The following TET3 variants were observed in gnomAD, a reference collection of about 807,000 sequenced individuals.
The protein encoded by TET3 is methylcytosine dioxygenase TET3.
A neutral mutation model predicts 141.4 loss-of-function variants in TET3; 19 were observed. The observed-to-expected ratio is 0.13, with a 90% CI of 0.09 to 0.20. TET3 has a LOEUF of 0.20. Among genes scored for constraint, TET3 ranks in the 10% least tolerant of loss-of-function variants. The pLI is 1.00. For missense variants in TET3, 1,874 were observed against 2,356.9 expected (o/e 0.80, Z 4.24); for synonymous variants, 1,043 against 980.9 (o/e 1.06, Z -1.18).
At position 74,003,177 on chromosome 2, in the gene TET3, TGTGTGCGTGC is replaced by T. The variant is rs1292524935; in HGVS notation, c.360+17_360+26del. On this transcript the variant is annotated intron_variant, in intron 3 of 11. Coordinates refer to ENST00000409262, the MANE Select transcript of TET3 (RefSeq NM_001287491.2). ...GGAGCGGCTGTCAAGGTACCTTGTG[TGTGTGCGTGC>T]GTGTGTGTGCGTGTGTGTGGTGGCG... 1.4e-5 allele frequency: 21 copies of T among 1,547,036 alleles called. No individual in the cohort carries two copies. Among genetic ancestry groups the T allele is most frequent in the Non-Finnish European group, 1.7e-5 (19 of 1,145,618 alleles).
chr2:74,105,796 T>C lies in TET3; in HGVS notation c.*3620T>C, dbSNP rs1049544877. ...ATGAGTCGATGATAACCTAATTTCATTGAGAGAAACCCAGCCAGACTTGCT... is the reference window on the plus strand; with the variant it reads ...ATGAGTCGATGATAACCTAATTTCACTGAGAGAAACCCAGCCAGACTTGCT... On this transcript the variant is annotated 3_prime_UTR_variant, in exon 12 of 12. Coordinates refer to ENST00000409262, the MANE Select transcript of TET3 (RefSeq NM_001287491.2). 7 of 161,750 alleles carry C rather than the reference T, an allele frequency of 4.3e-5. No homozygotes were observed. Among genetic ancestry groups the C allele is most frequent in the South Asian group, 2.0e-4 (1 of 4,896 alleles). The allele number at this position is 161,750 out of a possible 1,614,324, so 10.0% of individuals were successfully genotyped here.
At chr2:74,118,375 TCAGA>T in the TET3 span, among the ~76,000 whole-genome samples, 1 of 152,212 alleles carries the variant, frequency 6.6e-6, no homozygotes, top group Non-Finnish European at 1.5e-5. Context: ...GCCCACCATT[TCAGA>T]CAGACGATTC....
intron 3 of TET3, among the ~76,000 whole-genome samples, chr2:74,018,045 G>A (rs1685829428): frequency 7.2e-6 from 1 of 139,856 alleles, no homozygotes; most frequent in South Asian, 2.2e-4. Context: ...TCGGCTCACT[G>A]CAACCTCCTC....
chr2:74,028,993 A>G (rs1686526772), intron 3 of TET3, among the ~76,000 whole-genome samples: 1 of 152,164 alleles, frequency 6.6e-6, no homozygotes, highest in Non-Finnish European at 1.5e-5. Flanking sequence ...CTTGCTGGGC[A>G]TGTCTTCAAC....
intron 2 of TET3, among the ~76,000 whole-genome samples, chr2:73,997,365 T>C (rs751783517): frequency 3.9e-5 from 6 of 152,186 alleles, no homozygotes; most frequent in Non-Finnish European, 5.9e-5. Flanking sequence ...TAAGGTAAGC[T>C]CTGTGTGCCC....
At chr2:73,993,863 G>C (rs1430504354) in intron 2 of TET3, 1 of 152,262 alleles carries the variant, frequency 6.6e-6, no homozygotes, top group Non-Finnish European at 1.5e-5. Context: ...GGTGGTGGTT[G>C]TGCAGAGGAA....
chr2:74,053,012 T>C (rs1688027004), intron 4 of TET3, among the ~76,000 whole-genome samples: 1 of 152,172 alleles, frequency 6.6e-6, no homozygotes, highest in Admixed American at 6.5e-5. Flanking sequence ...TTTCTGAAGG[T>C]CTGAATGGGA....
chr2:74,100,725 G>A lies in TET3; in HGVS notation c.3937G>A (p.Gly1313Ser), dbSNP rs1691147192. 1.2e-6 allele frequency: 2 copies of A among 1,613,930 alleles called. No individual in the cohort carries two copies. Among genetic ancestry groups the A allele is most frequent in the African/African-American group, 1.3e-5 (1 of 75,036 alleles). The stretch of plus-strand genomic sequence containing the variant: ...TGCCTGGGGGCACAGTGGCAGCAGT[G>A]GCAGTTTTGAGAAGAAGCCAGACCT... The part of the protein sequence containing the change: ...PGAWGHSGSS[G>S]SFEKKPDLHA... The change falls in exon 12 of 12, where the codon GGC becomes AGC. Residue 1313 changes from glycine (G) to serine (S), a missense_variant. By Grantham distance (56) the Gly-to-Ser change is moderately conservative (BLOSUM62 0). This residue lies in a region of TET3 where 602 missense variants were observed against 590.2 expected (regional missense o/e 1.02). Transcript: ENST00000409262.
intron 3 of TET3, among the ~76,000 whole-genome samples, chr2:74,043,105 T>C (rs1248396190): frequency 6.6e-6 from 1 of 152,208 alleles, no homozygotes; most frequent in African/African-American, 2.4e-5. Context: ...TGACACTGTT[T>C]TTGTAAATCT....
At chr2:74,016,302 C>CT (rs1454899804) in intron 3 of TET3, among the ~76,000 whole-genome samples, 10 of 148,622 alleles carry the variant, frequency 6.7e-5, no homozygotes, top group African/African-American at 2.5e-4. Flanking sequence ...GACCCTGTCT[C>CT]TTTAAAAAAA....
chr2:74,097,050 C>A lies in TET3; in HGVS notation c.3268-2226C>A, dbSNP rs148208044. On this transcript the variant is annotated intron_variant, in intron 10 of 11. Coordinates refer to ENST00000409262, the MANE Select transcript of TET3 (RefSeq NM_001287491.2). Reference sequence around the variant, plus strand: ...TGAGACTGCAGTGAGCCGTGTCACACCACTGCACTGCAGCCTGGGCAATAG... The same window carrying A: ...TGAGACTGCAGTGAGCCGTGTCACAACACTGCACTGCAGCCTGGGCAATAG... Among the ~76,000 whole-genome samples the A allele has an allele frequency of 8.7e-3, 1,310 of 151,300 alleles. 18 individuals are homozygous for A. The highest frequency in any genetic ancestry group is 0.03 in the African/African-American group (1,218 of 41,150).
intron 3 of TET3, among the ~76,000 whole-genome samples, chr2:74,032,430 G>A (rs1213452348): frequency 5.3e-5 from 8 of 151,732 alleles, no homozygotes; most frequent in African/African-American, 2.4e-5. Context: ...TGGCCCCAGC[G>A]GCTGCAAGAG....
At position 74,104,180 on chromosome 2, in the gene TET3, G is replaced by A. The variant is rs369168180; in HGVS notation, c.*2004G>A. 1.5e-4 allele frequency: 23 copies of A among 152,226 alleles called. No individual in the cohort carries two copies. The highest frequency in any genetic ancestry group is 5.3e-4 in the African/African-American group (22 of 41,416). The allele number at this position is 152,226 out of a possible 1,614,324, so 9.4% of individuals were successfully genotyped here. On this transcript the variant is annotated 3_prime_UTR_variant, in exon 12 of 12. Transcript: ENST00000409262. ...TTAACATGTAATTGTGGGAGAAATT[G>A]TAAATAGTAGCCGAATATTTAATGT...
At chr2:74,083,210 A>G (rs1029324089) in intron 6 of TET3, among the ~76,000 whole-genome samples, 1 of 152,220 alleles carries the variant, frequency 6.6e-6, no homozygotes, top group Non-Finnish European at 1.5e-5. Flanking sequence ...CCTGTACAAA[A>G]TACGGAAGAT....
At chr2:74,017,752 C>A (rs774031140) in intron 3 of TET3, among the ~76,000 whole-genome samples, 10 of 152,122 alleles carry the variant, frequency 6.6e-5, no homozygotes, top group Non-Finnish European at 1.3e-4. Context: ...GGACGTATAT[C>A]CAGAAGTGAG....
chr2:74,096,976 C>G (rs1690873073), intron 10 of TET3, among the ~76,000 whole-genome samples: 2 of 151,628 alleles, frequency 1.3e-5, no homozygotes, highest in African/African-American at 4.8e-5. Flanking sequence ...GCTTGTAGTC[C>G]CAGCTACTCA....
intron 3 of TET3, among the ~76,000 whole-genome samples, chr2:74,037,781 C>T (rs774526686): frequency 1.3e-5 from 2 of 152,188 alleles, no homozygotes; most frequent in Non-Finnish European, 2.9e-5. Flanking sequence ...AAGGTATAGC[C>T]AATCAGGACT....
At chr2:74,000,156 C>G (rs1159191365) in intron 2 of TET3, among the ~76,000 whole-genome samples, 1 of 152,140 alleles carries the variant, frequency 6.6e-6, no homozygotes, top group Non-Finnish European at 1.5e-5. Flanking sequence ...CTGGCAGGTC[C>G]TGCCCTCCCA....
intron 3 of TET3, among the ~76,000 whole-genome samples, chr2:74,038,904 G>A (rs1382856587): frequency 6.6e-6 from 1 of 152,212 alleles, no homozygotes; most frequent in Non-Finnish European, 1.5e-5. Flanking sequence ...TTCTCAGGGA[G>A]GGATTGATTC....
Sources: allele counts gnomAD v4.1 joint callset (sites outside exome capture counted in the v4.1 genomes callset), GRCh38; gene constraint gnomAD v4.1.1; regional missense constraint gnomAD v4.1.1; transcripts MANE v1.5; gene names NCBI Gene and HGNC (gene_info 2026-07-23, HGNC 2026-07-21).